KBTBD6: variants seen among roughly 807,000 people sequenced by gnomAD.
The protein encoded by KBTBD6 is kelch repeat and BTB domain containing 6.
In KBTBD6, 6 loss-of-function variants were observed where a neutral mutation model predicts 34.4. The ratio of observed to expected loss-of-function variants is 0.17; its 90% CI spans 0.10 to 0.34. The LOEUF (loss-of-function observed/expected upper bound fraction) is 0.34, where lower values mean the gene tolerates loss of function less well. Among genes scored for constraint, KBTBD6 ranks in the 10% least tolerant of loss-of-function variants. KBTBD6 has a pLI of 1.00. For synonymous variants in KBTBD6, 288 were observed against 327.2 expected, an observed-to-expected ratio of 0.88 and a Z score of 1.29; for missense variants, 557 against 856.0, an observed-to-expected ratio of 0.65 and a Z score of 4.36.
rs752901799 is a variant in KBTBD6 at position 41,130,463 on chromosome 13, C to G, written c.*24G>C. 2 of 1,536,570 alleles carry G rather than the reference C, an allele frequency of 1.3e-6. No homozygotes were observed. The highest frequency in any genetic ancestry group is 1.8e-6 in the Non-Finnish European group (2 of 1,124,512). ...ACTTAGTGTTTCAATCTAGTTACAA[C>G]AAACCCTGTTGATCCTGTGCATTTC... is the stretch of plus-strand genomic sequence containing the variant. On this transcript the variant is annotated 3_prime_UTR_variant, in exon 1 of 1. Transcript: ENST00000379485. The surrounding 1 kb of genome is among the most constrained non-coding windows in gnomAD (Gnocchi z 4.8).
chr13:41,130,100 C>G lies in KBTBD6; in HGVS notation c.*387G>C, dbSNP rs1486425428. On this transcript the variant is annotated 3_prime_UTR_variant, in exon 1 of 1. Coordinates refer to ENST00000379485, the MANE Select transcript of KBTBD6 (RefSeq NM_152903.5). The surrounding 1 kb of genome is among the most constrained non-coding windows in gnomAD (Gnocchi z 4.8). ...TGTTCTGAAGAAAAAGATATGCTTT[C>G]AAAACACTATCTAGCAATTCCTAAT... 1 of 161,164 alleles carries G rather than the reference C, an allele frequency of 6.2e-6. No homozygotes were observed. Among genetic ancestry groups the G allele is most frequent in the South Asian group, 1.9e-4 (1 of 5,288 alleles). 10.0% of individuals were successfully genotyped at this position (161,164 alleles called of 1,614,324 possible). A position where few individuals can be genotyped will look rare whatever the true frequency, so the allele number is the denominator to read the frequency against.
chr13:41,131,780 C>T lies in KBTBD6; in HGVS notation c.732G>A (p.Val244=). ...CTTTGGGAGCAGCCTCCAGCCACTG[C>T]ACTGCCACATGGCACACTGTCTGCT... is the stretch of plus-strand genomic sequence containing the variant. ...ESEQTVCHVA[V]QWLEAAPKER... is the part of the protein sequence containing the mutation. Residue 244 remains valine, a synonymous_variant, in exon 1 of 1, where the codon GTG becomes GTA. Coordinates refer to ENST00000379485, the MANE Select transcript of KBTBD6 (RefSeq NM_152903.5). The surrounding 1 kb of genome is among the most constrained non-coding windows in gnomAD (Gnocchi z 5.8). The T allele has an allele frequency of 6.2e-7, 1 of 1,614,268 alleles. No individual in the cohort carries two copies. Among genetic ancestry groups the T allele is most frequent in the South Asian group, 1.1e-5 (1 of 91,086 alleles).
chr13:41,130,714 T>C lies in KBTBD6; in HGVS notation c.1798A>G (p.Thr600Ala). Residue 600 changes from threonine (T) to alanine (A), a missense_variant, in exon 1 of 1, where the codon ACC (threonine) becomes GCC (alanine). By Grantham distance (58) the Thr-to-Ala change is moderately conservative. Around this residue, in one of 4 missense-constraint regions of KBTBD6, gnomAD observed 309 missense variants for 504.5 expected, o/e 0.61. Coordinates refer to ENST00000379485, the MANE Select transcript of KBTBD6 (RefSeq NM_152903.5). The surrounding 1 kb of genome is among the most constrained non-coding windows in gnomAD (Gnocchi z 4.8). Reference sequence around the variant, plus strand: ...TCAAACTGCAAGAGGCCTAATGTGGTACCTATATTAATCCATTGGTCTCCC... The same window carrying C: ...TCAAACTGCAAGAGGCCTAATGTGGCACCTATATTAATCCATTGGTCTCCC... ...IRGDQWINIG[T>A]TLGLLQFDSN... 1 of 1,614,182 alleles carries C rather than the reference T, an allele frequency of 6.2e-7. No individual in the cohort carries two copies. The highest frequency in any genetic ancestry group is 8.5e-7 in the Non-Finnish European group (1 of 1,180,028).
rs892016674 is a variant in KBTBD6, at chr13:41,132,761, T to A, written c.-250A>T. 1.8e-6 allele frequency: 1 copy of A among 547,274 alleles called. No homozygotes were observed. Among genetic ancestry groups the A allele is most frequent in the Non-Finnish European group, 3.3e-6 (1 of 302,356 alleles). 33.9% of individuals were successfully genotyped at this position (547,274 alleles called of 1,614,324 possible). A position where few individuals can be genotyped will look rare whatever the true frequency, so the allele number is the denominator to read the frequency against. ...CTCGCCTTCACAGGACCCGCTGGCT[T>A]GGAGCCGCAGAAGCCGCTACTGCAG... On this transcript the variant is annotated 5_prime_UTR_variant, in exon 1 of 1. Transcript: ENST00000379485.
chr13:41,128,835 T>A lies in KBTBD6; in HGVS notation c.*1652A>T. The A allele has an allele frequency of 4.0e-6, 1 of 249,334 alleles. No homozygotes were observed. Among genetic ancestry groups the A allele is most frequent in the Admixed American group, 5.5e-5 (1 of 18,038 alleles). The allele number at this position is 249,334 out of a possible 1,614,324, so 15.4% of individuals were successfully genotyped here. On this transcript the variant is annotated 3_prime_UTR_variant, in exon 1 of 1. Coordinates refer to ENST00000379485, the MANE Select transcript of KBTBD6 (RefSeq NM_152903.5). ...GGCCACCATGCCCAGACATATTTTT[T>A]ATTTTTGTAGAGATGGGGTTTTGCT...
In KBTBD6 at chr13:41,131,437, A is replaced by T; in HGVS notation, c.1075T>A (p.Cys359Ser). The T allele has an allele frequency of 6.2e-7, 1 of 1,614,180 alleles. No individual in the cohort carries two copies. The highest frequency in any genetic ancestry group is 8.5e-7 in the Non-Finnish European group (1 of 1,180,014). ...TAAAGGTCCCCCGAGTATGGATCACAGCAGAGAAAGGGATCTCTGGGGTGT... is the reference window on the plus strand; with the variant it reads ...TAAAGGTCCCCCGAGTATGGATCACTGCAGAGAAAGGGATCTCTGGGGTGT... ...FGHPRDPFLC[C>S]DPYSGDLYKV... The change falls in exon 1 of 1, where the codon TGT (cysteine) becomes AGT (serine). Residue 359 changes from cysteine to serine, a missense_variant. By Grantham distance (112) the Cys-to-Ser change is moderately radical (BLOSUM62 -1). This residue lies in a region of KBTBD6 where 309 missense variants were observed against 504.5 expected (regional missense o/e 0.61). Coordinates refer to ENST00000379485, the MANE Select transcript of KBTBD6 (RefSeq NM_152903.5). This position sits in a 1 kb window ranked among gnomAD's most constrained non-coding sequence, Gnocchi z 5.8.
At position 41,131,939 on chromosome 13, in the gene KBTBD6, C is replaced by T; in HGVS notation, c.573G>A (p.Gln191=). Residue 191 remains glutamine (Q), a synonymous_variant, in exon 1 of 1, where the codon CAG becomes CAA. Coordinates refer to ENST00000379485, the MANE Select transcript of KBTBD6 (RefSeq NM_152903.5). This position sits in a 1 kb window ranked among gnomAD's most constrained non-coding sequence, Gnocchi z 5.8. ...DAFGHRKLRS[Q]AQSYIAQNFK... The stretch of plus-strand genomic sequence containing the variant: ...AGTTCTGAGCTATATAGGACTGGGC[C>T]TGGGATCGCAGCTTGCGATGGCCAA... 1 of 1,614,258 alleles carries T rather than the reference C, an allele frequency of 6.2e-7. No individual in the cohort carries two copies. Among genetic ancestry groups the T allele is most frequent in the Non-Finnish European group, 8.5e-7 (1 of 1,180,052 alleles).
chr13:41,131,823 C>T lies in KBTBD6; in HGVS notation c.689G>A (p.Ser230Asn). 1 of 1,614,276 alleles carries T rather than the reference C, an allele frequency of 6.2e-7. No homozygotes were observed. The change falls in exon 1 of 1, where the codon AGT (serine) becomes AAT (asparagine). Residue 230 changes from serine (S) to asparagine (N), a missense_variant. Ser to Asn is a conservative substitution (Grantham distance 46). Around this residue, in one of 4 missense-constraint regions of KBTBD6, gnomAD observed 100 missense variants for 102.1 expected, o/e 0.98. Transcript: ENST00000379485. The surrounding 1 kb of genome is among the most constrained non-coding windows in gnomAD (Gnocchi z 5.8). Reference sequence around the variant, plus strand: ...TGTCTGCTCACTCTCCACGTCCAGACTATCCAAGCGCAGGACAGCCAGCAG... The same window carrying T: ...TGTCTGCTCACTCTCCACGTCCAGATTATCCAAGCGCAGGACAGCCAGCAG... ...AQLLAVLRLDSLDVESEQTVC... is the reference protein window; with the variant it reads ...AQLLAVLRLDNLDVESEQTVC...
Position 41,131,800 on chromosome 13 carries a change from T to A in KBTBD6, c.712A>T (p.Thr238Ser), listed in dbSNP as rs755406951. 1 of 1,614,240 alleles carries A rather than the reference T, an allele frequency of 6.2e-7. No homozygotes were observed. Among genetic ancestry groups the A allele is most frequent in the Non-Finnish European group, 8.5e-7 (1 of 1,180,060 alleles). Reference sequence around the variant, plus strand: ...CACTGCACTGCCACATGGCACACTGTCTGCTCACTCTCCACGTCCAGACTA... The same window carrying A: ...CACTGCACTGCCACATGGCACACTGACTGCTCACTCTCCACGTCCAGACTA... Reference protein sequence around the residue: ...LDSLDVESEQTVCHVAVQWLE... With the variant: ...LDSLDVESEQSVCHVAVQWLE... The change falls in exon 1 of 1, where the codon ACA (threonine) becomes TCA (serine). Residue 238 changes from threonine (T) to serine (S), a missense_variant. Thr to Ser is a moderately conservative substitution (Grantham distance 58). This residue lies in a region of KBTBD6 where 100 missense variants were observed against 102.1 expected (regional missense o/e 0.98). Coordinates refer to ENST00000379485, the MANE Select transcript of KBTBD6 (RefSeq NM_152903.5). The surrounding 1 kb of genome is among the most constrained non-coding windows in gnomAD (Gnocchi z 5.8).
rs771834594 is a variant in KBTBD6, at chr13:41,130,832, T to A, written c.1680A>T (p.Arg560Ser). Reference sequence around the variant, plus strand: ...ACAATTTTTGGCCATGCTTGATAATTCTGTAGTTGTTGGTCTCTGAGACCA... The same window carrying A: ...ACAATTTTTGGCCATGCTTGATAATACTGTAGTTGTTGGTCTCTGAGACCA... ...IPLVSETNNY[R>S]IIKHGQKLLL... Residue 560 changes from arginine (R) to serine (S), a missense_variant, in exon 1 of 1, where the codon AGA (arginine) becomes AGT (serine). Coordinates refer to ENST00000379485, the MANE Select transcript of KBTBD6 (RefSeq NM_152903.5). This position sits in a 1 kb window ranked among gnomAD's most constrained non-coding sequence, Gnocchi z 4.8. The A allele has an allele frequency of 2.5e-6, 4 of 1,614,064 alleles. No homozygotes were observed. In the African/African-American group the frequency reaches 5.3e-5, roughly 22 times the overall value.
At position 41,132,018 on chromosome 13, in the gene KBTBD6, G is replaced by A; in HGVS notation, c.494C>T (p.Ala165Val). The part of the protein sequence containing the change: ...YVREACASFL[A>V]RRLDLTNCTA... ...GCAGTTGGTCAGGTCAAGACGTCGG[G>A]CTAAGAAGGAGGCACAGGCTTCCCG... The change falls in exon 1 of 1, where the codon GCC (alanine) becomes GTC (valine). Residue 165 changes from alanine to valine, a missense_variant. This residue lies in a region of KBTBD6 where 108 missense variants were observed against 209.6 expected (regional missense o/e 0.52). Transcript: ENST00000379485. The A allele has an allele frequency of 1.2e-6, 2 of 1,614,260 alleles. No individual in the cohort carries two copies. The highest frequency in any genetic ancestry group is 8.5e-7 in the Non-Finnish European group (1 of 1,180,050).
rs2030030011 is a variant in KBTBD6, at chr13:41,128,345, T to C, written c.*2142A>G. The C allele has an allele frequency of 1.1e-5, 4 of 370,692 alleles. No individual in the cohort carries two copies. Among genetic ancestry groups the C allele is most frequent in the African/African-American group, 4.2e-5 (2 of 48,164 alleles). 23.0% of individuals were successfully genotyped at this position (370,692 alleles called of 1,614,324 possible). On this transcript the variant is annotated 3_prime_UTR_variant, in exon 1 of 1. Coordinates refer to ENST00000379485, the MANE Select transcript of KBTBD6 (RefSeq NM_152903.5). ...CATCTGGTCATTCATCATGTACATG[T>C]ATCATGTCAACCATTATATATTAAA...
rs2138518480 is a variant in KBTBD6, at chr13:41,132,443, C to T, written c.69G>A (p.Lys23=). 2 of 1,614,216 alleles carry T rather than the reference C, an allele frequency of 1.2e-6. No individual in the cohort carries two copies. Among genetic ancestry groups the T allele is most frequent in the Non-Finnish European group, 8.5e-7 (1 of 1,180,032 alleles). The change falls in exon 1 of 1, where the codon AAG becomes AAA. Residue 23 remains lysine, a synonymous_variant. Transcript: ENST00000379485. ...LASPRGGKRP[K]KIHKPTVSAF... ...CCGAAACTGTGGGTTTGTGAATCTTCTTGGGCCGCTTCCCACCACGGGGAC... is the reference window on the plus strand; with the variant it reads ...CCGAAACTGTGGGTTTGTGAATCTTTTTGGGCCGCTTCCCACCACGGGGAC...
chr13:41,127,665 A>G lies in KBTBD6; in HGVS notation c.*2822T>C, dbSNP rs914137624. 4 of 152,234 alleles carry G rather than the reference A, an allele frequency of 2.6e-5. No individual in the cohort carries two copies. The highest frequency in any genetic ancestry group is 9.6e-5 in the African/African-American group (4 of 41,456). 9.4% of individuals were successfully genotyped at this position (152,234 alleles called of 1,614,324 possible). On this transcript the variant is annotated 3_prime_UTR_variant, in exon 1 of 1. Transcript: ENST00000379485. ...TTCCTTAATTCACAGAAATATCACA[A>G]AACCAAAATCCTTCCCACGATATAT...
At position 41,130,949 on chromosome 13, in the gene KBTBD6, G is replaced by A; in HGVS notation, c.1563C>T (p.Phe521=). 1 of 1,614,118 alleles carries A rather than the reference G, an allele frequency of 6.2e-7. No individual in the cohort carries two copies. Among genetic ancestry groups the A allele is most frequent in the South Asian group, 1.1e-5 (1 of 91,088 alleles). The change falls in exon 1 of 1, where the codon TTC becomes TTT. Residue 521 remains phenylalanine (F), a synonymous_variant. Transcript: ENST00000379485. This position sits in a 1 kb window ranked among gnomAD's most constrained non-coding sequence, Gnocchi z 4.8. ...CACAGATACAATAGATCTCCTCATT[G>A]AAGACGCAGGCTTCCTGAAAGTCAT... ...KRNDFQEACV[F]NEEIYCICDI... is the part of the protein sequence containing the mutation.
At position 41,132,617 on chromosome 13, in the gene KBTBD6, AGAC is replaced by A; in HGVS notation, c.-109_-107del. ...CGCTAAGATAGCAGCGTCTCCGAAG[AGAC>A]AGCAGCACGAGCCCATTTACTGAAT... On this transcript the variant is annotated 5_prime_UTR_variant, in exon 1 of 1. Transcript: ENST00000379485. 7.6e-7 allele frequency: 1 copy of A among 1,320,242 alleles called. No individual in the cohort carries two copies. The highest frequency in any genetic ancestry group is 1.0e-6 in the Non-Finnish European group (1 of 953,666). 81.8% of individuals were successfully genotyped at this position (1,320,242 alleles called of 1,614,324 possible). A position where few individuals can be genotyped will look rare whatever the true frequency, so the allele number is the denominator to read the frequency against.
In KBTBD6 at chr13:41,131,739, G is replaced by C; in HGVS notation, c.773C>G (p.Ala258Gly). The part of the protein sequence containing the change: ...EAAPKERGPS[A>G]AEVFKCVRWM... The stretch of plus-strand genomic sequence containing the variant: ...GCGCACGCACTTGAAGACTTCTGCA[G>C]CACTGGGACCCCGCTCTTTGGGAGC... Residue 258 changes from alanine to glycine, a missense_variant, in exon 1 of 1, where the codon GCT (alanine) becomes GGT (glycine). By Grantham distance (60) the Ala-to-Gly change is moderately conservative. Transcript: ENST00000379485. This position sits in a 1 kb window ranked among gnomAD's most constrained non-coding sequence, Gnocchi z 5.8. 6.2e-7 allele frequency: 1 copy of C among 1,614,230 alleles called. No individual in the cohort carries two copies. The highest frequency in any genetic ancestry group is 8.5e-7 in the Non-Finnish European group (1 of 1,180,044).
Position 41,131,411 on chromosome 13 carries a change from G to A in KBTBD6, c.1101C>T (p.Tyr367=), listed in dbSNP as rs761650758. Reference sequence around the variant, plus strand: ...GACAGGTCAAAGGTGACGGCACTTTGTAAAGGTCCCCCGAGTATGGATCAC... The same window carrying A: ...GACAGGTCAAAGGTGACGGCACTTTATAAAGGTCCCCCGAGTATGGATCAC... ...LCCDPYSGDL[Y]KVPSPLTCLA... The change falls in exon 1 of 1, where the codon TAC becomes TAT. Residue 367 remains tyrosine, a synonymous_variant. Coordinates refer to ENST00000379485, the MANE Select transcript of KBTBD6 (RefSeq NM_152903.5). This position sits in a 1 kb window ranked among gnomAD's most constrained non-coding sequence, Gnocchi z 5.8. 22 of 1,613,996 alleles carry A rather than the reference G, an allele frequency of 1.4e-5. No homozygotes were observed. The highest frequency in any genetic ancestry group is 1.9e-5 in the Non-Finnish European group (22 of 1,179,988).
chr13:41,131,376 G>A lies in KBTBD6; in HGVS notation c.1136C>T (p.Thr379Ile). Reference protein sequence around the residue: ...VPSPLTCLAHTRTVTTLAVCI... With the variant: ...VPSPLTCLAHIRTVTTLAVCI... ...GACAGCTAAAGTGGTGACAGTCCTA[G>A]TGTGAGCCAGACAGGTCAAAGGTGA... The change falls in exon 1 of 1, where the codon ACT becomes ATT. Residue 379 changes from threonine (T) to isoleucine (I), a missense_variant. Thr to Ile is a moderately conservative substitution (Grantham distance 89). Transcript: ENST00000379485. The surrounding 1 kb of genome is among the most constrained non-coding windows in gnomAD (Gnocchi z 5.8). The A allele has an allele frequency of 5.0e-6, 8 of 1,614,162 alleles. No homozygotes were observed. The highest frequency in any genetic ancestry group is 6.8e-6 in the Non-Finnish European group (8 of 1,180,008).
Sources: gnomAD v4.1 joint callset for allele counts on GRCh38, gnomAD v4.1.1 for gene constraint, gnomAD v4.1.1 regional missense constraint, Gnocchi (gnomAD v3.1) non-coding constraint, MANE v1.5 for transcripts, NCBI Gene and HGNC (gene_info 2026-07-23, HGNC 2026-07-21) for gene names.